Variants in LHPP observed in about 807,000 individuals in gnomAD.
LHPP encodes phospholysine phosphohistidine inorganic pyrophosphate phosphatase.
In LHPP, 24 loss-of-function variants were observed where a neutral mutation model predicts 30.3. That is an observed-to-expected ratio of 0.79 (90% CI 0.57 to 1.11). The LOEUF (loss-of-function observed/expected upper bound fraction) is 1.11, where lower values mean the gene tolerates loss of function less well. Ranked by LOEUF, LHPP falls within the 50% of genes most tolerant of loss-of-function variation. LHPP has a pLI of 0.00. For missense variants in LHPP, 356 were observed against 367.2 expected (o/e 0.97, Z 0.25); for synonymous variants, 150 against 157.1 (o/e 0.95, Z 0.34).
intron 6 of LHPP, among the ~76,000 whole-genome samples, chr10:124,546,539 A>G: frequency 6.6e-6 from 1 of 152,106 alleles, no homozygotes; most frequent in East Asian, 1.9e-4. Flanking sequence ...AGTAGCTGGG[A>G]CTACAGGTGC....
At chr10:124,473,564 C>T (rs1444544714) in intron 1 of LHPP, among the ~76,000 whole-genome samples, 1 of 152,138 alleles carries the variant, frequency 6.6e-6, no homozygotes, top group Non-Finnish European at 1.5e-5. Context: ...CTTAGCGTTC[C>T]GTCACCCCAT....
At chr10:124,497,265 TCCTC>T (rs1564789662) in intron 4 of LHPP, among the ~76,000 whole-genome samples, 122 of 94,274 alleles carry the variant, frequency 1.3e-3, no homozygotes, top group African/African-American at 4.7e-3. Context: ...ATCCTCCCCA[TCCTC>T]CCCATCCTCC....
intron 6 of LHPP, among the ~76,000 whole-genome samples, chr10:124,527,778 T>G (rs57316750): frequency 4.3e-5 from 4 of 92,324 alleles, no homozygotes; most frequent in African/African-American, 6.5e-5. Flanking sequence ...TGTGCTTTTT[T>G]TTTTTTGTTT....
intron 6 of LHPP, among the ~76,000 whole-genome samples, chr10:124,606,042 G>C (rs535901054): frequency 6.6e-6 from 1 of 152,170 alleles, no homozygotes; most frequent in Non-Finnish European, 1.5e-5. Context: ...GCGCAAGGAT[G>C]GGGGAGGTAC....
chr10:124,563,307 C>CTCTTATT (rs574095982), intron 6 of LHPP, among the ~76,000 whole-genome samples: 1 of 26,106 alleles, frequency 3.8e-5, no homozygotes, highest in African/African-American at 1.5e-4. Flanking sequence ...CTCTCTCTCT[C>CTCTTATT]TTTTTCTTTT....
intron 6 of LHPP, among the ~76,000 whole-genome samples, chr10:124,521,716 G>T (rs996960246): frequency 1.8e-4 from 28 of 152,208 alleles, no homozygotes; most frequent in Admixed American, 1.4e-3. Flanking sequence ...CAGCTGGCGG[G>T]TGGGGGCAGC....
rs1177825156 is a variant in LHPP at position 124,498,090 on chromosome 10, A to T, written c.586A>T (p.Lys196Ter). The T allele has an allele frequency of 6.2e-7, 1 of 1,614,074 alleles. No individual in the cohort carries two copies. Among genetic ancestry groups the T allele is most frequent in the South Asian group, 1.1e-5 (1 of 91,086 alleles). ...VVGKPSPEFF[K>*]SALQAIGVEA... ...GGGGAAGCCTTCTCCTGAGTTTTTC[A>T]AGTCTGCCCTGCAAGCGATAGGAGT... The change falls in exon 5 of 7, where the codon AAG becomes TAG. Residue 196 changes from lysine to a stop codon, truncating the protein, a stop_gained. Transcript: ENST00000368842. LOFTEE classifies it high-confidence loss of function.
At chr10:124,585,565 A>G (rs1948793728) in intron 6 of LHPP, among the ~76,000 whole-genome samples, 1 of 151,610 alleles carries the variant, frequency 6.6e-6, no homozygotes, top group Non-Finnish European at 1.5e-5. Context: ...CAGTGAGCTG[A>G]GATCGCGCCA....
chr10:124,539,675 G>A (rs1477025807), intron 6 of LHPP, among the ~76,000 whole-genome samples: 1 of 151,068 alleles, frequency 6.6e-6, no homozygotes, highest in East Asian at 2.0e-4. Flanking sequence ...AGTAGAGGTT[G>A]CAGTGAGCTG....
chr10:124,525,946 T>C (rs779231247), intron 6 of LHPP, among the ~76,000 whole-genome samples: 1 of 151,160 alleles, frequency 6.6e-6, no homozygotes, highest in Non-Finnish European at 1.5e-5. Context: ...AGGAAGGGGG[T>C]CCCAGGTGGA....
intron 5 of LHPP, among the ~76,000 whole-genome samples, chr10:124,511,536 C>A (rs1325859887): frequency 2.0e-5 from 3 of 152,208 alleles, no homozygotes; most frequent in African/African-American, 7.2e-5. Context: ...GAATTCTCAA[C>A]ATTGTGGCCC....
intron 3 of LHPP, among the ~76,000 whole-genome samples, chr10:124,490,878 G>A (rs1394606902): frequency 1.3e-5 from 2 of 151,560 alleles, no homozygotes; most frequent in Non-Finnish European, 2.9e-5. Flanking sequence ...GTTCTGCACA[G>A]CTAGAATTCT....
intron 6 of LHPP, among the ~76,000 whole-genome samples, chr10:124,566,411 G>A (rs952680585): frequency 1.3e-5 from 2 of 152,200 alleles, no homozygotes; most frequent in African/African-American, 4.8e-5. Flanking sequence ...GCCTCCTCTG[G>A]TGTCCTCTGC....
Position 124,488,411 on chromosome 10 carries a change from T to G in LHPP, c.314-11T>G. 1.9e-6 allele frequency: 3 copies of G among 1,613,656 alleles called. No homozygotes were observed. Among genetic ancestry groups the G allele is most frequent in the Non-Finnish European group, 2.5e-6 (3 of 1,179,872 alleles). On this transcript the variant is annotated splice_polypyrimidine_tract_variant and intron_variant, in intron 2 of 6. Coordinates refer to ENST00000368842, the MANE Select transcript of LHPP (RefSeq NM_022126.4). Reference sequence around the variant, plus strand: ...GGCTCCGTGGCACTCTGTCTCTCTCTCTCTTTCCAGGAGTCCGCTCAGAAT... The same window carrying G: ...GGCTCCGTGGCACTCTGTCTCTCTCGCTCTTTCCAGGAGTCCGCTCAGAAT...
chr10:124,511,704 G>A (rs1164758175), intron 5 of LHPP, among the ~76,000 whole-genome samples: 1 of 152,190 alleles, frequency 6.6e-6, no homozygotes, highest in Non-Finnish European at 1.5e-5. Context: ...CTGGCCTCAG[G>A]GGGCCTCATT....
At chr10:124,493,549 C>T (rs1348411522) in intron 3 of LHPP, among the ~76,000 whole-genome samples, 1 of 152,192 alleles carries the variant, frequency 6.6e-6, no homozygotes, top group Non-Finnish European at 1.5e-5. Context: ...TCATGCCGCT[C>T]TCAGAAAATT....
intron 6 of LHPP, among the ~76,000 whole-genome samples, chr10:124,580,405 T>C (rs1029145998): frequency 2.6e-5 from 4 of 152,172 alleles, no homozygotes; most frequent in Admixed American, 6.5e-5. Context: ...GCTTTGCACA[T>C]TCAGGTTCCA....
At chr10:124,579,659 G>A (rs1413304872) in intron 6 of LHPP, among the ~76,000 whole-genome samples, 1 of 152,198 alleles carries the variant, frequency 6.6e-6, no homozygotes, top group African/African-American at 2.4e-5. Flanking sequence ...TCACCTTGGG[G>A]AGTTTGTTAA....
chr10:124,530,851 C>T (rs749730986), intron 6 of LHPP, among the ~76,000 whole-genome samples: 50 of 152,358 alleles, frequency 3.3e-4, no homozygotes, highest in Middle Eastern at 3.4e-3. Flanking sequence ...TCTCCTGCAG[C>T]CCTGGATTCC....
Sources: allele counts gnomAD v4.1 joint callset (sites outside exome capture counted in the v4.1 genomes callset), GRCh38; gene constraint gnomAD v4.1.1; transcripts MANE v1.5; gene names NCBI Gene and HGNC (gene_info 2026-07-23, HGNC 2026-07-21).